Variants in ROBO2 observed in about 807,000 individuals in gnomAD.
The protein encoded by ROBO2 is roundabout guidance receptor 2, also known as roundabout homolog 2.
Under a neutral mutation model 160.8 loss-of-function variants are expected in ROBO2, and 53 were observed. That is an observed-to-expected ratio of 0.33 (90% CI 0.26 to 0.41). The LOEUF is 0.41. Ranked by LOEUF, ROBO2 falls within the 10% of genes least tolerant of loss-of-function variation. The pLI, the probability that ROBO2 is intolerant of heterozygous loss-of-function variation, is 1.00. For missense variants in ROBO2, 1,577 were observed against 1,722.4 expected, an observed-to-expected ratio of 0.92 and a Z score of 1.49; for synonymous variants, 664 against 611.7, an observed-to-expected ratio of 1.09 and a Z score of -1.26.
At chr3:77,258,500 G>A (rs1433827621) in intron 2 of ROBO2, among the ~76,000 whole-genome samples, 2 of 152,004 alleles carry the variant, frequency 1.3e-5, no homozygotes, top group Non-Finnish European at 2.9e-5. Context: ...GTACACACCT[G>A]TAATCCCAGC....
At chr3:76,110,521 T>C (rs1027067287) in intron 2 of ROBO2, among the ~76,000 whole-genome samples, 2 of 152,060 alleles carry the variant, frequency 1.3e-5, no homozygotes, top group African/African-American at 4.8e-5. Context: ...ATTTGAAAGG[T>C]TAAATATAAG....
At chr3:77,324,509 G>C (rs912994598) in intron 2 of ROBO2, among the ~76,000 whole-genome samples, 1 of 152,118 alleles carries the variant, frequency 6.6e-6, no homozygotes, top group African/African-American at 2.4e-5. Flanking sequence ...GCCGGGCGCC[G>C]TGGCTCACGC....
chr3:76,348,180 A>C (rs2074648465), intron 2 of ROBO2, among the ~76,000 whole-genome samples: 2 of 152,066 alleles, frequency 1.3e-5, no homozygotes, highest in South Asian at 2.1e-4. Flanking sequence ...CCGCCCAAGC[A>C]CTGTCCGCCA....
chr3:77,208,917 C>A (rs144095364), intron 2 of ROBO2, among the ~76,000 whole-genome samples: 3 of 152,042 alleles, frequency 2.0e-5, no homozygotes, highest in Non-Finnish European at 4.4e-5. Flanking sequence ...CCAAAAGAAC[C>A]ACTGGAGTGC....
chr3:77,459,025 A>C (rs551708733), intron 2 of ROBO2, among the ~76,000 whole-genome samples: 1 of 152,294 alleles, frequency 6.6e-6, no homozygotes, highest in East Asian at 1.9e-4. Flanking sequence ...AATCTTGACC[A>C]TTTAGTAGAC....
intron 2 of ROBO2, among the ~76,000 whole-genome samples, chr3:76,041,904 T>C (rs1019952288): frequency 6.6e-6 from 1 of 151,840 alleles, no homozygotes; most frequent in African/African-American, 2.4e-5. Flanking sequence ...GTTTAAAAGA[T>C]GTCCTGTTTC....
chr3:76,692,192 A>T (rs925324707), intron 2 of ROBO2, among the ~76,000 whole-genome samples: 6 of 152,058 alleles, frequency 3.9e-5, no homozygotes, highest in Admixed American at 2.6e-4. Context: ...ATCAGGGGAG[A>T]GGGGGCAGCA....
intron 23 of ROBO2, among the ~76,000 whole-genome samples, chr3:77,625,451 C>T (rs2094993135): frequency 6.6e-6 from 1 of 151,826 alleles, no homozygotes. Flanking sequence ...GATCTCGGCT[C>T]ACTGCAACCT....
intron 2 of ROBO2, among the ~76,000 whole-genome samples, chr3:75,955,639 A>T (rs773496978): frequency 3.3e-5 from 5 of 151,702 alleles, no homozygotes; most frequent in Non-Finnish European, 5.9e-5. Flanking sequence ...ATAATAATAA[A>T]AAAAAAGATA....
At chr3:76,324,404 A>G (rs1434961671) in intron 2 of ROBO2, among the ~76,000 whole-genome samples, 1 of 152,212 alleles carries the variant, frequency 6.6e-6, no homozygotes, top group Non-Finnish European at 1.5e-5. Context: ...AAAAAAATGT[A>G]CAGCTACTGA....
At chr3:76,501,399 T>C (rs1003094780) in intron 2 of ROBO2, among the ~76,000 whole-genome samples, 1 of 152,200 alleles carries the variant, frequency 6.6e-6, no homozygotes, top group African/African-American at 2.4e-5. Context: ...GTGGAGGAGA[T>C]GAGAGGAATC....
intron 2 of ROBO2, among the ~76,000 whole-genome samples, chr3:77,163,728 T>C (rs994469317): frequency 3.3e-5 from 5 of 152,238 alleles, no homozygotes; most frequent in African/African-American, 9.6e-5. Context: ...TTGGACATGG[T>C]CTGGGACACA....
chr3:77,120,606 A>G (rs771063249), intron 2 of ROBO2, among the ~76,000 whole-genome samples: 2 of 152,220 alleles, frequency 1.3e-5, no homozygotes, highest in Non-Finnish European at 2.9e-5. Flanking sequence ...AGTTGCAAAG[A>G]TAAAATTCAT....
At chr3:76,542,672 T>G (rs921430826) in intron 2 of ROBO2, among the ~76,000 whole-genome samples, 1 of 152,044 alleles carries the variant, frequency 6.6e-6, no homozygotes, top group Non-Finnish European at 1.5e-5. Context: ...TCAGGATGCT[T>G]CCTCTCTCTC....
At chr3:77,181,270 A>G (rs1381138064) in intron 2 of ROBO2, among the ~76,000 whole-genome samples, 2 of 152,090 alleles carry the variant, frequency 1.3e-5, no homozygotes, top group East Asian at 1.9e-4. Flanking sequence ...TAGATGATGT[A>G]CTGAGATTAT....
intron 2 of ROBO2, among the ~76,000 whole-genome samples, chr3:77,252,418 A>G (rs1264153673): frequency 1.3e-5 from 2 of 152,188 alleles, no homozygotes; most frequent in Admixed American, 6.5e-5. Flanking sequence ...TTACTGACTC[A>G]GCAACAAGAT....
At chr3:76,956,170 A>G (rs573352713) in intron 2 of ROBO2, among the ~76,000 whole-genome samples, 1 of 152,310 alleles carries the variant, frequency 6.6e-6, no homozygotes, top group Admixed American at 6.5e-5. Flanking sequence ...TTAATACACT[A>G]CTTGAGATCA....
At chr3:77,036,374 C>A, upstream of ROBO2, among the ~76,000 whole-genome samples, 1 of 151,966 alleles carries the variant, frequency 6.6e-6, no homozygotes. Flanking sequence ...ACAATTATAA[C>A]AAGAGCACGT....
intron 2 of ROBO2, among the ~76,000 whole-genome samples, chr3:76,993,992 C>T (rs1269690710): frequency 6.6e-6 from 1 of 151,796 alleles, no homozygotes; most frequent in Non-Finnish European, 1.5e-5. Flanking sequence ...AGACTTAATG[C>T]CACCCTGGTA....
Sources: allele counts gnomAD v4.1 joint callset (sites outside exome capture counted in the v4.1 genomes callset), GRCh38; gene constraint gnomAD v4.1.1; transcripts MANE v1.5; gene names NCBI Gene and HGNC (gene_info 2026-07-23, HGNC 2026-07-21).